The following SORCS2 variants were observed in gnomAD, a reference collection of about 807,000 sequenced individuals.
The protein encoded by SORCS2 is sortilin related VPS10 domain containing receptor 2.
SORCS2 carries 100 observed loss-of-function variants against 141.6 expected under a neutral mutation model. That is an observed-to-expected ratio of 0.71 (90% confidence interval 0.60 to 0.83). The LOEUF is 0.83. Ranked by LOEUF, SORCS2 falls within the 40% of genes least tolerant of loss-of-function variation. The probability of loss-of-function intolerance (pLI) is 0.00; values close to 1 mark genes in which losing one functional copy is unlikely to be tolerated. For synonymous variants in SORCS2, 789 were observed against 676.9 expected (o/e 1.17, Z -2.57); for missense variants, 1,646 against 1,560.2 (o/e 1.05, Z -0.93).
At chr4:7,734,830 G>A (rs1013887757) in intron 25 of SORCS2, among the ~76,000 whole-genome samples, 10 of 152,122 alleles carry the variant, frequency 6.6e-5, no homozygotes, top group South Asian at 2.1e-4. Flanking sequence ...CCCTCCCCTC[G>A]AGAGCACTTG....
intron 3 of SORCS2, among the ~76,000 whole-genome samples, chr4:7,593,928 T>C (rs939685298): frequency 5.3e-5 from 8 of 152,206 alleles, no homozygotes; most frequent in Admixed American, 2.6e-4. Flanking sequence ...GCTCTTGTTA[T>C]GGGAAATGAA....
intron 1 of SORCS2, among the ~76,000 whole-genome samples, chr4:7,308,433 C>T (rs77587648): frequency 0.044 from 6,676 of 152,124 alleles, 343 homozygotes; most frequent in African/African-American, 0.12. Context: ...AGATGGGCTC[C>T]GTATTTGGGG....
chr4:7,425,085 A>G (rs1577538849), intron 2 of SORCS2, among the ~76,000 whole-genome samples: 1 of 152,198 alleles, frequency 6.6e-6, no homozygotes, highest in Non-Finnish European at 1.5e-5. Context: ...CACAGGCTGC[A>G]GGGGTGCCTC....
At chr4:7,637,134 A>G (rs902929052) in intron 3 of SORCS2, among the ~76,000 whole-genome samples, 4 of 152,202 alleles carry the variant, frequency 2.6e-5, no homozygotes, top group East Asian at 1.9e-4. Flanking sequence ...CACGTCTCCA[A>G]TGACCCTATT....
At chr4:7,584,353 G>C (rs1457279487) in intron 3 of SORCS2, among the ~76,000 whole-genome samples, 1 of 152,200 alleles carries the variant, frequency 6.6e-6, no homozygotes, top group Non-Finnish European at 1.5e-5. Flanking sequence ...TCTGTGCCCA[G>C]TACTGGCTGT....
chr4:7,539,947 C>T (rs1290261234), intron 3 of SORCS2, among the ~76,000 whole-genome samples: 1 of 150,324 alleles, frequency 6.7e-6, no homozygotes, highest in African/African-American at 2.5e-5. Flanking sequence ...GAAGGTCTCA[C>T]CCCCTCCCTG....
intron 1 of SORCS2, among the ~76,000 whole-genome samples, chr4:7,282,460 G>A (rs751485553): frequency 1.3e-5 from 2 of 152,194 alleles, no homozygotes; most frequent in Non-Finnish European, 2.9e-5. Context: ...GGGTATAAAT[G>A]AACTCAGTTT....
chr4:7,725,336 C>A, intron 20 of SORCS2, 49 bp downstream of exon 20: 3 of 1,583,080 alleles, frequency 1.9e-6, no homozygotes, highest in Non-Finnish European at 2.6e-6. Flanking sequence ...AGGCTCCCCA[C>A]AAGCTGCACA....
chr4:7,624,737 A>G (rs1209102458), intron 3 of SORCS2, among the ~76,000 whole-genome samples: 2 of 152,250 alleles, frequency 1.3e-5, no homozygotes, highest in Non-Finnish European at 2.9e-5. Context: ...CTTCCAAAAC[A>G]CCATCACTCC....
At chr4:7,549,700 T>TTC (rs1713536220) in intron 3 of SORCS2, among the ~76,000 whole-genome samples, 1 of 152,236 alleles carries the variant, frequency 6.6e-6, no homozygotes, top group African/African-American at 2.4e-5. Flanking sequence ...TCTTGTTCCT[T>TTC]TCTGCCTGCC....
In SORCS2 at chr4:7,286,147, A is replaced by G. The variant is rs1297283058; in HGVS notation, c.480+93021A>G. Among the ~76,000 whole-genome samples the G allele has an allele frequency of 1.3e-5, 2 of 152,164 alleles. No homozygotes were observed. The highest frequency in any genetic ancestry group is 1.3e-4 in the Admixed American group (2 of 15,288). Reference sequence around the variant, plus strand: ...TCAGTCCCCTGATGAGCTGGTAAACAGTCTCCTAGAGTCTCCAGCTGGGTC... The same window carrying G: ...TCAGTCCCCTGATGAGCTGGTAAACGGTCTCCTAGAGTCTCCAGCTGGGTC... On this transcript the variant is annotated intron_variant, in intron 1 of 26. Coordinates refer to ENST00000507866, the MANE Select transcript of SORCS2 (RefSeq NM_020777.3). The surrounding 1 kb of genome is among the most constrained non-coding windows in gnomAD (Gnocchi z 4.1).
Position 7,192,594 on chromosome 4 carries a change from G to A in SORCS2, c.-53G>A, listed in dbSNP as rs1726905277. The stretch of plus-strand genomic sequence containing the variant: ...GCGCCCTCCTGCTCTCCCGGCCGCG[G>A]TCCCCTCGTCCGCGCCGCCCCGCCG... On this transcript the variant is annotated 5_prime_UTR_variant, in exon 1 of 27. Coordinates refer to ENST00000507866, the MANE Select transcript of SORCS2 (RefSeq NM_020777.3). This position sits in a 1 kb window ranked among gnomAD's most constrained non-coding sequence, Gnocchi z 4.0. 4 of 986,968 alleles carry A rather than the reference G, an allele frequency of 4.1e-6. No homozygotes were observed. The highest frequency in any genetic ancestry group is 1.8e-5 in the African/African-American group (1 of 56,914). 61.1% of individuals were successfully genotyped at this position (986,968 alleles called of 1,614,324 possible). A position where few individuals can be genotyped will look rare whatever the true frequency, so the allele number is the denominator to read the frequency against.
chr4:7,596,120 G>C (rs752692671), intron 3 of SORCS2, among the ~76,000 whole-genome samples: 39 of 152,240 alleles, frequency 2.6e-4, no homozygotes, highest in Non-Finnish European at 4.1e-4. Context: ...TCCAGTGTCT[G>C]CTGCTATCGG....
intron 3 of SORCS2, among the ~76,000 whole-genome samples, chr4:7,621,783 G>T (rs1719210640): frequency 6.6e-6 from 1 of 152,242 alleles, no homozygotes; most frequent in African/African-American, 2.4e-5. Context: ...CACCAGCTCG[G>T]CTCTGTCTGA....
intron 1 of SORCS2, among the ~76,000 whole-genome samples, chr4:7,373,515 G>T (rs1372617828): frequency 1.0e-5 from 1 of 96,212 alleles, no homozygotes; most frequent in Non-Finnish European, 1.9e-5. Context: ...TTGAGTCGGG[G>T]TCTCGCTCTG....
chr4:7,255,685 A>G (rs1383188989), intron 1 of SORCS2, among the ~76,000 whole-genome samples: 2 of 152,202 alleles, frequency 1.3e-5, no homozygotes, highest in South Asian at 2.1e-4. Flanking sequence ...GCTCACAGCC[A>G]TAACTGAGAA....
chr4:7,521,247 A>G (rs982020468), intron 2 of SORCS2, among the ~76,000 whole-genome samples: 12 of 151,932 alleles, frequency 7.9e-5, no homozygotes, highest in Admixed American at 2.6e-4. Context: ...CTCTCCCTGT[A>G]TCTCTGTGGG....
chr4:7,729,517 C>T (rs1727456808), intron 22 of SORCS2, 70 bp from the exon 23 acceptor site: 3 of 1,523,032 alleles, frequency 2.0e-6, no homozygotes, highest in East Asian at 4.9e-5. Flanking sequence ...GAGGGTGTTC[C>T]TGGGGGCCCC....
chr4:7,683,652 G>A (rs559873344), intron 10 of SORCS2, among the ~76,000 whole-genome samples: 6 of 152,326 alleles, frequency 3.9e-5, no homozygotes, highest in Middle Eastern at 3.4e-3. Flanking sequence ...TGGGAGTGAG[G>A]GCTGAGGAGC....
Sources: allele counts gnomAD v4.1 joint callset (sites outside exome capture counted in the v4.1 genomes callset), GRCh38; gene constraint gnomAD v4.1.1; non-coding constraint Gnocchi (gnomAD v3.1); transcripts MANE v1.5; gene names NCBI Gene and HGNC (gene_info 2026-07-23, HGNC 2026-07-21).